UNC13B: variants seen among roughly 807,000 people sequenced by gnomAD.
The protein encoded by UNC13B is protein unc-13 homolog B.
In UNC13B, 144 loss-of-function variants were observed where a neutral mutation model predicts 211.0. The ratio of observed to expected loss-of-function variants is 0.68; its 90% CI spans 0.60 to 0.78. UNC13B has a LOEUF of 0.78. Among genes scored for constraint, UNC13B ranks in the 30% least tolerant of loss-of-function variants. The pLI is 0.00. For synonymous variants in UNC13B, 709 were observed against 725.8 expected (o/e 0.98, Z 0.37); for missense variants, 1,777 against 2,002.0 (o/e 0.89, Z 2.14).
chr9:35,202,164 A>C (rs888906553), intron 1 of UNC13B, among the ~76,000 whole-genome samples: 11 of 152,114 alleles, frequency 7.2e-5, no homozygotes, highest in African/African-American at 2.7e-4. Flanking sequence ...GAGTTTCTTA[A>C]TCCTGAGTTC....
intron 11 of UNC13B, among the ~76,000 whole-genome samples, chr9:35,344,788 G>T (rs185682474): frequency 3.3e-5 from 5 of 152,296 alleles, no homozygotes; most frequent in Admixed American, 2.0e-4. Flanking sequence ...CCATAACCTA[G>T]ATCACAATGT....
At chr9:35,255,031 TAATA>T (rs1453484555) in intron 6 of UNC13B, among the ~76,000 whole-genome samples, 1 of 119,804 alleles carries the variant, frequency 8.3e-6, no homozygotes, top group African/African-American at 3.2e-5. Flanking sequence ...ATATATAATA[TAATA>T]TATATTATAT....
At chr9:35,282,725 A>G (rs1257050965) in intron 7 of UNC13B, among the ~76,000 whole-genome samples, 1 of 152,070 alleles carries the variant, frequency 6.6e-6, no homozygotes, top group African/African-American at 2.4e-5. Context: ...GTGAGCCACC[A>G]TGCCTGATCA....
intron 26 of UNC13B, among the ~76,000 whole-genome samples, chr9:35,391,840 G>A (rs1015891461): frequency 1.3e-5 from 2 of 152,190 alleles, no homozygotes; most frequent in African/African-American, 4.8e-5. Context: ...AAGTTGAAGG[G>A]GAAACCCAGA....
chr9:35,398,291 A>AG lies in UNC13B; in HGVS notation c.11832+5dup. 6.2e-7 allele frequency: 1 copy of AG among 1,613,654 alleles called. No individual in the cohort carries two copies. The highest frequency in any genetic ancestry group is 8.5e-7 in the Non-Finnish European group (1 of 1,179,740). On this transcript the variant is annotated splice_donor_region_variant and intron_variant, in intron 31 of 39. Coordinates refer to ENST00000635942, the MANE Select transcript of UNC13B (RefSeq NM_001371189.2). ...TTGAGGCCATGGGAGGCAAGGAGGT[A>AG]GGTCTTAGGGTTTGGGAGTCACTGT...
chr9:35,197,650 G>A (rs1016236912), intron 1 of UNC13B, among the ~76,000 whole-genome samples: 19 of 152,228 alleles, frequency 1.2e-4, no homozygotes, highest in Non-Finnish European at 2.5e-4. Flanking sequence ...TGGAGGAGGG[G>A]CCTGGTGGGA....
In UNC13B at chr9:35,303,673, G is replaced by T. The variant is rs935255527; in HGVS notation, c.4269G>T (p.Trp1423Cys). ...EWRTNPNSVIWCDLPYESFNQ... is the reference protein window; with the variant it reads ...EWRTNPNSVICCDLPYESFNQ... ...GAACAAATCCAAACAGTGTCATTTG[G>T]TGTGACTTACCATATGAATCATTCA... is the stretch of plus-strand genomic sequence containing the variant. The change falls in exon 9 of 40, where the codon TGG becomes TGT. Residue 1423 changes from tryptophan to cysteine, a missense_variant. By Grantham distance (215) the Trp-to-Cys change is radical (BLOSUM62 -2). Coordinates refer to ENST00000635942, the MANE Select transcript of UNC13B (RefSeq NM_001371189.2). 3 of 398,694 alleles carry T rather than the reference G, an allele frequency of 7.5e-6. No individual in the cohort carries two copies. The highest frequency in any genetic ancestry group is 1.3e-5 in the Non-Finnish European group (3 of 225,804). The allele number at this position is 398,694 out of a possible 1,614,324, so 24.7% of individuals were successfully genotyped here.
chr9:35,380,441 CT>C, intron 17 of UNC13B, 28 bp from the exon 18 acceptor site: 2 of 1,610,754 alleles, frequency 1.2e-6, no homozygotes, highest in Non-Finnish European at 1.7e-6. Flanking sequence ...GGGTCTGCCC[CT>C]AACAGAGCCT....
At chr9:35,317,071 A>G (rs533589353) in intron 11 of UNC13B, among the ~76,000 whole-genome samples, 16 of 152,294 alleles carry the variant, frequency 1.1e-4, no homozygotes, top group African/African-American at 3.8e-4. Flanking sequence ...TTATACATCT[A>G]TATAATTTTT....
intron 11 of UNC13B, among the ~76,000 whole-genome samples, chr9:35,317,630 C>T (rs1340483370): frequency 6.8e-6 from 1 of 146,972 alleles, no homozygotes; most frequent in East Asian, 2.0e-4. Flanking sequence ...TCAAGCAGTT[C>T]TCATGTCTCA....
intron 1 of UNC13B, 96 bp downstream of exon 1, chr9:35,162,401 A>G (rs753235990): frequency 4.3e-6 from 6 of 1,405,594 alleles, no homozygotes; most frequent in African/African-American, 1.5e-5. Flanking sequence ...CCCAAACTTT[A>G]CATCCCGTCC....
chr9:35,381,217 T>A lies in UNC13B; in HGVS notation c.10491+2T>A. Reference sequence around the variant, plus strand: ...GTGCAGTATACATGTCTCCATGAGGTGAGCCAGCCCTTGGTAGGTGGGGGA... The same window carrying A: ...GTGCAGTATACATGTCTCCATGAGGAGAGCCAGCCCTTGGTAGGTGGGGGA... On this transcript the variant is annotated splice_donor_variant, in intron 19 of 39. Transcript: ENST00000635942. LOFTEE classifies it high-confidence loss of function. 1.9e-6 allele frequency: 3 copies of A among 1,612,026 alleles called. No individual in the cohort carries two copies. Among genetic ancestry groups the A allele is most frequent in the Non-Finnish European group, 2.5e-6 (3 of 1,178,990 alleles).
intron 6 of UNC13B, among the ~76,000 whole-genome samples, chr9:35,243,990 T>A (rs1173461708): frequency 6.6e-6 from 1 of 152,112 alleles, no homozygotes; most frequent in Non-Finnish European, 1.5e-5. Context: ...TTTCATGAGA[T>A]AATTTGAAGT....
Position 35,403,578 on chromosome 9 carries a change from A to G in UNC13B, c.12716A>G (p.Lys4239Arg), listed in dbSNP as rs1836475392. 6.4e-7 allele frequency: 1 copy of G among 1,574,434 alleles called. No homozygotes were observed. The highest frequency in any genetic ancestry group is 8.6e-7 in the Non-Finnish European group (1 of 1,157,188). The change falls in exon 39 of 40, where the codon AAG becomes AGG. Residue 4239 changes from lysine (K) to arginine (R), a missense_variant. Coordinates refer to ENST00000635942, the MANE Select transcript of UNC13B (RefSeq NM_001371189.2). ...TKSKSNNWAP[K>R]YNETFHFLLG... ...TCCAAAAGCAACAACTGGGCCCCCA[A>G]GTACAATGAGACATTCCACTTGTAA...
chr9:35,357,595 T>A (rs79016342), intron 11 of UNC13B, among the ~76,000 whole-genome samples: 5 of 150,018 alleles, frequency 3.3e-5, no homozygotes, highest in Non-Finnish European at 3.0e-5. Flanking sequence ...TTTTTTTTTT[T>A]AAATTCTATT....
At chr9:35,375,839 G>A (rs1834364414) in intron 14 of UNC13B, among the ~76,000 whole-genome samples, 189 bp from the exon 15 acceptor site, 1 of 152,140 alleles carries the variant, frequency 6.6e-6, no homozygotes, top group Admixed American at 6.5e-5. Context: ...AAATTAGCTG[G>A]GCATGGTAGC....
rs781395907 is a variant in UNC13B at position 35,259,021 on chromosome 9, A to C, written c.497A>C (p.Lys166Thr). 2 of 1,613,948 alleles carry C rather than the reference A, an allele frequency of 1.2e-6. No individual in the cohort carries two copies. Among genetic ancestry groups the C allele is most frequent in the Admixed American group, 3.3e-5 (2 of 59,998 alleles). ...EYSSQEESQR[K>T]PLPTAAAQCS... ...TCTAGTCAAGAAGAAAGCCAGAGGA[A>C]GCCATTGCCCACTGCTGCCGCCCAG... Residue 166 changes from lysine to threonine, a missense_variant, in exon 7 of 40, where the codon AAG (lysine) becomes ACG (threonine). Physicochemically the swap from Lys to Thr is moderately conservative, Grantham distance 78. Transcript: ENST00000635942.
intron 21 of UNC13B, among the ~76,000 whole-genome samples, chr9:35,383,938 G>C (rs1319956717): frequency 6.6e-6 from 1 of 152,172 alleles, no homozygotes; most frequent in African/African-American, 2.4e-5. Flanking sequence ...GTATAGAGAT[G>C]CACTGGTCAT....
chr9:35,397,327 C>A lies in UNC13B; in HGVS notation c.11676+17C>A. The A allele has an allele frequency of 6.2e-7, 1 of 1,611,938 alleles. No individual in the cohort carries two copies. Among genetic ancestry groups the A allele is most frequent in the Non-Finnish European group, 8.5e-7 (1 of 1,178,656 alleles). ...TTTGCTAAGGTGACCATAACTCTTC[C>A]TACTCCCTCCCCCTTACCACCACCA... On this transcript the variant is annotated intron_variant, in intron 29 of 39. Transcript: ENST00000635942.
Sources: gnomAD v4.1 joint callset for allele counts (sites outside exome capture counted in the v4.1 genomes callset) on GRCh38, gnomAD v4.1.1 for gene constraint, MANE v1.5 for transcripts, NCBI Gene and HGNC (gene_info 2026-07-23, HGNC 2026-07-21) for gene names.